NMU: variants seen among roughly 807,000 people sequenced by gnomAD.
The protein encoded by NMU is neuromedin-U.
NMU carries 29 observed loss-of-function variants against 35.4 expected under a neutral mutation model. The observed-to-expected ratio is 0.82, with a 90% CI of 0.61 to 1.12. The LOEUF is 1.12. NMU is among the 50% of genes most tolerant of loss of function. The probability of loss-of-function intolerance (pLI) is 0.00; values close to 1 mark genes in which losing one functional copy is unlikely to be tolerated. For missense variants in NMU, 199 were observed against 206.2 expected, an observed-to-expected ratio of 0.97 and a Z score of 0.21; for synonymous variants, 78 against 81.3, an observed-to-expected ratio of 0.96 and a Z score of 0.22.
intron 2 of NMU, among the ~76,000 whole-genome samples, chr4:55,626,534 G>A (rs552829746): frequency 7.9e-5 from 12 of 152,222 alleles, no homozygotes; most frequent in South Asian, 2.1e-4. Flanking sequence ...GCAAGACCCT[G>A]TCTCCACTTA....
At chr4:55,613,032 C>T (rs939161631) in intron 3 of NMU, among the ~76,000 whole-genome samples, 3 of 152,136 alleles carry the variant, frequency 2.0e-5, no homozygotes, top group Non-Finnish European at 4.4e-5. Context: ...AGGGTATTAC[C>T]CTAAGCGAAA....
chr4:55,627,393 A>T (rs1235355164), intron 2 of NMU, among the ~76,000 whole-genome samples: 1 of 116,258 alleles, frequency 8.6e-6, no homozygotes, highest in Non-Finnish European at 1.9e-5. Context: ...TTAAATTTTA[A>T]AGTTTTTTTT....
At chr4:55,617,640 T>C (rs1357692638) in intron 2 of NMU, among the ~76,000 whole-genome samples, 1 of 152,188 alleles carries the variant, frequency 6.6e-6, no homozygotes, top group East Asian at 1.9e-4. Context: ...AAAAAGTGAA[T>C]TGAGAGGGGA....
chr4:55,606,709 G>A (rs766653967), intron 6 of NMU, among the ~76,000 whole-genome samples: 3 of 144,368 alleles, frequency 2.1e-5, no homozygotes, highest in South Asian at 2.2e-4. Flanking sequence ...ACAGAGTATC[G>A]CTCTGTCGTC....
At chr4:55,613,826 A>G (rs1349053214) in intron 3 of NMU, among the ~76,000 whole-genome samples, 2 of 152,162 alleles carry the variant, frequency 1.3e-5, no homozygotes, top group Admixed American at 6.6e-5. Flanking sequence ...GCTGGACTGT[A>G]AGTAACACTT....
intron 9 of NMU, 33 bp downstream of exon 9, chr4:55,599,105 TTTTA>T (rs756768427): frequency 1.1e-5 from 15 of 1,402,940 alleles, no homozygotes; most frequent in Middle Eastern, 1.9e-4. Flanking sequence ...ATGCATACTA[TTTTA>T]TTTATTTATT....
intron 2 of NMU, among the ~76,000 whole-genome samples, chr4:55,625,259 G>A (rs1484904651): frequency 7.5e-6 from 1 of 134,090 alleles, no homozygotes; most frequent in Non-Finnish European, 1.6e-5. Flanking sequence ...ATTTTTTTCT[G>A]TAAAAGAATG....
At chr4:55,618,339 A>G (rs1380422995) in intron 2 of NMU, among the ~76,000 whole-genome samples, 1 of 152,038 alleles carries the variant, frequency 6.6e-6, no homozygotes, top group African/African-American at 2.4e-5. Flanking sequence ...CGCATGCATT[A>G]GGTATTTGTC....
intron 3 of NMU, among the ~76,000 whole-genome samples, chr4:55,614,105 A>G (rs992076233): frequency 1.1e-4 from 16 of 152,166 alleles, no homozygotes; most frequent in Non-Finnish European, 1.5e-5. Flanking sequence ...TCTCTTTTAT[A>G]TAATTTCTTT....
intron 2 of NMU, among the ~76,000 whole-genome samples, chr4:55,630,192 C>T (rs976244360): frequency 1.3e-5 from 2 of 151,990 alleles, no homozygotes; most frequent in Admixed American, 1.3e-4. Flanking sequence ...CTATTATATC[C>T]TATTATTAGG....
intron 6 of NMU, among the ~76,000 whole-genome samples, chr4:55,606,532 C>T (rs1733688672): frequency 6.6e-6 from 1 of 152,064 alleles, no homozygotes; most frequent in Non-Finnish European, 1.5e-5. Context: ...GACAATCATT[C>T]TTTAAATAAA....
At chr4:55,604,276 G>T (rs1733583597) in intron 7 of NMU, among the ~76,000 whole-genome samples, 1 of 151,406 alleles carries the variant, frequency 6.6e-6, no homozygotes, top group Non-Finnish European at 1.5e-5. Context: ...ATGTTGGCCA[G>T]GCTGGTCTCA....
At chr4:55,612,609 CAAA>C (rs1163259700) in intron 3 of NMU, among the ~76,000 whole-genome samples, 1 of 152,104 alleles carries the variant, frequency 6.6e-6, no homozygotes, top group Non-Finnish European at 1.5e-5. Flanking sequence ...TATTTCAACT[CAAA>C]GAAGAATAAA....
At chr4:55,603,204 A>G (rs1191788451) in intron 7 of NMU, among the ~76,000 whole-genome samples, 314 of 151,512 alleles carry the variant, frequency 2.1e-3, no homozygotes, top group African/African-American at 7.5e-3. Flanking sequence ...TAGAGACGGG[A>G]TTTCATCATG....
chr4:55,601,331 T>C (rs983548325), intron 7 of NMU, among the ~76,000 whole-genome samples: 4 of 152,150 alleles, frequency 2.6e-5, no homozygotes, highest in African/African-American at 9.7e-5. Flanking sequence ...GCTATCACCA[T>C]GAAATCTTTC....
intron 2 of NMU, among the ~76,000 whole-genome samples, chr4:55,627,867 T>C (rs1037538025): frequency 4.6e-5 from 7 of 152,240 alleles, no homozygotes; most frequent in Non-Finnish European, 7.3e-5. Flanking sequence ...AAGTTCACAT[T>C]TTATTTAGGA....
chr4:55,598,888 G>A (rs1733311381), intron 9 of NMU, among the ~76,000 whole-genome samples: 1 of 152,024 alleles, frequency 6.6e-6, no homozygotes, highest in Admixed American at 6.6e-5. Context: ...CATAGTCTGA[G>A]GAATAAATGA....
In NMU at chr4:55,636,170, C is replaced by T; in HGVS notation, c.23G>A (p.Arg8His). Residue 8 changes from arginine to histidine, a missense_variant, in exon 1 of 10, where the codon CGC (arginine) becomes CAC (histidine). By Grantham distance (29) the Arg-to-His change is conservative. Coordinates refer to ENST00000264218, the MANE Select transcript of NMU (RefSeq NM_006681.4). The surrounding 1 kb of genome is among the most constrained non-coding windows in gnomAD (Gnocchi z 4.0). ...CACCTGTCCGGCGGGCGACCTGGGG[C>T]GGCAGCTCTCTGTTCGCAGCATCTC... MLRTESC[R>H]PRSPAGQVAA... 1.3e-6 allele frequency: 2 copies of T among 1,508,942 alleles called. No individual in the cohort carries two copies. The highest frequency in any genetic ancestry group is 1.8e-6 in the Non-Finnish European group (2 of 1,136,232). The allele number at this position is 1,508,942 out of a possible 1,614,324, so 93.5% of individuals were successfully genotyped here.
In NMU at chr4:55,636,008, G is replaced by A. The variant is rs1455977994; in HGVS notation, c.112+73C>T. 2.6e-6 allele frequency: 4 copies of A among 1,531,104 alleles called. No homozygotes were observed. The East Asian group carries it at 9.8e-5, about 38-fold the overall frequency. The allele number at this position is 1,531,104 out of a possible 1,614,324, so 94.8% of individuals were successfully genotyped here. A position where few individuals can be genotyped will look rare whatever the true frequency, so the allele number is the denominator to read the frequency against. ...CAAGTAAAGGTGAGAGAAAGAGGGT[G>A]GAGGAGAGCGGTGAGTGGAGCCAGA... On this transcript the variant is annotated intron_variant, in intron 1 of 9. Coordinates refer to ENST00000264218, the MANE Select transcript of NMU (RefSeq NM_006681.4). The surrounding 1 kb of genome is among the most constrained non-coding windows in gnomAD (Gnocchi z 4.0).
Sources: gnomAD v4.1 joint callset for allele counts (sites outside exome capture counted in the v4.1 genomes callset) on GRCh38, gnomAD v4.1.1 for gene constraint, Gnocchi (gnomAD v3.1) non-coding constraint, MANE v1.5 for transcripts, NCBI Gene and HGNC (gene_info 2026-07-23, HGNC 2026-07-21) for gene names.